FRMPD4: variants seen among roughly 807,000 people sequenced by gnomAD.
FRMPD4 encodes the protein FERM and PDZ domain-containing protein 4.
In FRMPD4, 22 loss-of-function variants were observed where a neutral mutation model predicts 94.1. That is an observed-to-expected ratio of 0.23 (90% confidence interval 0.17 to 0.33). The LOEUF (loss-of-function observed/expected upper bound fraction) is 0.33, where lower values mean the gene tolerates loss of function less well. FRMPD4 is among the 10% of genes least tolerant of loss of function. The pLI is 1.00. For synonymous variants in FRMPD4, 631 were observed against 548.6 expected (o/e 1.15, Z -2.10); for missense variants, 1,111 against 1,339.9 (o/e 0.83, Z 2.67).
chrX:12,589,957 G>A (rs975112597), intron 2 of FRMPD4, among the ~76,000 whole-genome samples: 8 of 112,248 alleles, frequency 7.1e-5, no homozygotes, highest in Non-Finnish European at 3.8e-5. Flanking sequence ...CATAATGAAA[G>A]TCTACTTTGC....
At chrX:12,058,224 T>G (rs2054865663) in intron 3 of FRMPD4, among the ~76,000 whole-genome samples, 2 of 111,850 alleles carry the variant, frequency 1.8e-5, no homozygotes, top group Admixed American at 9.5e-5. Flanking sequence ...GTGCTCAGTA[T>G]CTTTTCCTGA....
chrX:12,236,521 T>C, intron 1 of FRMPD4, among the ~76,000 whole-genome samples: 1 of 111,763 alleles, frequency 8.9e-6, no homozygotes, highest in Non-Finnish European at 1.9e-5. Flanking sequence ...GTTTCATAAA[T>C]GTTTAGTGCA....
chrX:12,369,627 G>A (rs757883434), intron 1 of FRMPD4, among the ~76,000 whole-genome samples: 1 of 112,700 alleles, frequency 8.9e-6, no homozygotes, highest in Non-Finnish European at 1.9e-5. Flanking sequence ...GGAGGAAGAA[G>A]TGTTGTTTAA....
chrX:12,098,779 A>G (rs191815171), intron 3 of FRMPD4, among the ~76,000 whole-genome samples: 5 of 111,036 alleles, frequency 4.5e-5, no homozygotes, highest in African/African-American at 1.3e-4. Context: ...GATTTACCCA[A>G]TCTAAGTCTG....
intron 1 of FRMPD4, among the ~76,000 whole-genome samples, chrX:12,156,283 G>A (rs1470101659): frequency 1.8e-5 from 2 of 111,405 alleles, no homozygotes; most frequent in African/African-American, 6.5e-5. Flanking sequence ...GTGAGAGAGG[G>A]CTGCAGCTCT....
At chrX:12,369,389 T>A (rs2056131662) in intron 1 of FRMPD4, among the ~76,000 whole-genome samples, 1 of 111,194 alleles carries the variant, frequency 9.0e-6, no homozygotes, top group Admixed American at 9.6e-5. Context: ...CTCCTTTTTG[T>A]CTGAATTGAT....
At chrX:12,067,029 C>G (rs763000914) in intron 3 of FRMPD4, among the ~76,000 whole-genome samples, 1 of 109,637 alleles carries the variant, frequency 9.1e-6, no homozygotes, top group South Asian at 4.0e-4. Context: ...ACCACCATGC[C>G]CAGCTAGTTT....
chrX:12,361,056 C>G (rs1460915381), intron 1 of FRMPD4, among the ~76,000 whole-genome samples: 1 of 109,861 alleles, frequency 9.1e-6, no homozygotes, highest in Non-Finnish European at 1.9e-5. Flanking sequence ...CAATTTTGTT[C>G]TCATTTTGTC....
At position 11,824,194 on chromosome X, in the gene FRMPD4, G is replaced by C. The variant is rs978371326; in HGVS notation, c.-161+1479G>C. The stretch of plus-strand genomic sequence containing the variant: ...TTGGTGGCGCCATCAGCAATATGGG[G>C]AAGACTTGGGAAAGAGTAGGTGTGT... On this transcript the variant is annotated intron_variant, in intron 1 of 18. Coordinates refer to the FRMPD4 transcript ENST00000640291. 2.7e-5 allele frequency among the ~76,000 whole-genome samples: 3 copies of C among 111,412 alleles called. No homozygotes were observed. The South Asian group carries it at 1.1e-3, about 43-fold the overall frequency.
At chrX:12,066,651 G>A (rs745423635) in intron 3 of FRMPD4, among the ~76,000 whole-genome samples, 123 of 109,610 alleles carry the variant, frequency 1.1e-3, no homozygotes, top group African/African-American at 3.5e-3. Context: ...ATAAAATGTA[G>A]GGAATTCATA....
intron 3 of FRMPD4, among the ~76,000 whole-genome samples, chrX:12,070,410 A>G (rs2054957085): frequency 8.9e-6 from 1 of 112,267 alleles, no homozygotes; most frequent in African/African-American, 3.2e-5. Context: ...GAACAAGACG[A>G]CAGAATATTT....
intron 1 of FRMPD4, among the ~76,000 whole-genome samples, chrX:12,249,842 G>A (rs1398605605): frequency 9.0e-6 from 1 of 110,643 alleles, no homozygotes; most frequent in Non-Finnish European, 1.9e-5. Flanking sequence ...TTATTTCTAG[G>A]ACCAAAAAAA....
chrX:12,290,898 T>C (rs2054676607), intron 1 of FRMPD4, among the ~76,000 whole-genome samples: 1 of 111,303 alleles, frequency 9.0e-6, no homozygotes, highest in African/African-American at 3.3e-5. Context: ...TACATTAAGA[T>C]GGACTGCTTA....
Position 12,609,898 on chromosome X carries a change from A to G in FRMPD4, c.319+17A>G, listed in dbSNP as rs1445704155. The G allele has an allele frequency of 8.4e-7, 1 of 1,190,457 alleles. No individual in the cohort carries two copies. The highest frequency in any genetic ancestry group is 3.0e-5 in the East Asian group (1 of 33,668). ...TAACACCAGGTAAGCACCCAATCCCAGTTCTTGGTTTCCTGGGAATGTCTG... is the reference window on the plus strand; with the variant it reads ...TAACACCAGGTAAGCACCCAATCCCGGTTCTTGGTTTCCTGGGAATGTCTG... On this transcript the variant is annotated intron_variant, in intron 3 of 16. Coordinates refer to ENST00000675598, the MANE Select transcript of FRMPD4 (RefSeq NM_001368397.1).
chrX:12,487,497 GAAGAA>G (rs1056172743), intron 1 of FRMPD4, among the ~76,000 whole-genome samples: 1 of 111,882 alleles, frequency 8.9e-6, no homozygotes, highest in African/African-American at 3.2e-5. Context: ...AAAAGAAAAG[GAAGAA>G]GAGAAGAGAG....
chrX:12,154,978 C>T (rs2055912177), intron 1 of FRMPD4, among the ~76,000 whole-genome samples: 1 of 112,237 alleles, frequency 8.9e-6, no homozygotes, highest in Non-Finnish European at 1.9e-5. Context: ...CTTTGTGAGG[C>T]TCTTTCTTTT....
intron 3 of FRMPD4, among the ~76,000 whole-genome samples, chrX:11,907,223 A>G (rs1235628031): frequency 9.0e-6 from 1 of 110,521 alleles, no homozygotes; most frequent in African/African-American, 3.3e-5. Flanking sequence ...CCTGTTTATA[A>G]CAACTGCTTT....
rs371824582 is a variant in FRMPD4, at chrX:12,203,265, C to T, written c.41+64253C>T. On this transcript the variant is annotated intron_variant, in intron 1 of 16. Transcript: ENST00000675598. ...GGGAATTACCTGCTTACACACTGTT[C>T]GAGAAATTTGGGAGTCAAAGTCAAG... Among the ~76,000 whole-genome samples the T allele has an allele frequency of 3.2e-4, 36 of 111,580 alleles. 2 individuals carry two copies. In the East Asian group the frequency reaches 4.2e-3, roughly 13 times the overall value.
chrX:12,193,483 G>A (rs1266563567), intron 1 of FRMPD4, among the ~76,000 whole-genome samples: 3 of 108,908 alleles, frequency 2.8e-5, no homozygotes, highest in African/African-American at 1.0e-4. Flanking sequence ...CAGGAGGACA[G>A]AAGAGTAGTC....
Sources: allele counts gnomAD v4.1 joint callset (sites outside exome capture counted in the v4.1 genomes callset), GRCh38; gene constraint gnomAD v4.1.1; transcripts MANE v1.5; gene names NCBI Gene and HGNC (gene_info 2026-07-23, HGNC 2026-07-21).